SLCO3A1: variants seen among roughly 807,000 people sequenced by gnomAD.
The protein encoded by SLCO3A1 is solute carrier organic anion transporter family member 3A1, also known as PGE1 transporter.
Under a neutral mutation model 63.1 loss-of-function variants are expected in SLCO3A1, and 27 were observed. That is an observed-to-expected ratio of 0.43 (90% CI 0.32 to 0.59). The LOEUF (loss-of-function observed/expected upper bound fraction) is 0.59. SLCO3A1 is among the 20% of genes least tolerant of loss of function. The pLI is 0.09. For missense variants in SLCO3A1, 773 were observed against 945.8 expected, an observed-to-expected ratio of 0.82 and a Z score of 2.40; for synonymous variants, 473 against 409.9, an observed-to-expected ratio of 1.15 and a Z score of -1.86.
chr15:91,940,781 T>A (rs1899592698), intron 2 of SLCO3A1, among the ~76,000 whole-genome samples: 1 of 152,250 alleles, frequency 6.6e-6, no homozygotes, highest in African/African-American at 2.4e-5. Context: ...CCCCTTTCTA[T>A]GGGGAGATGT....
At chr15:91,904,591 T>C (rs1476126301) in intron 1 of SLCO3A1, among the ~76,000 whole-genome samples, 2 of 152,202 alleles carry the variant, frequency 1.3e-5, no homozygotes, top group East Asian at 3.8e-4. Flanking sequence ...TGAGATACAC[T>C]AAAATAGGAG....
chr15:91,896,678 C>G (rs573917110), intron 1 of SLCO3A1, among the ~76,000 whole-genome samples: 15 of 152,330 alleles, frequency 9.8e-5, no homozygotes, highest in African/African-American at 3.4e-4. Flanking sequence ...GTGAGGCCTC[C>G]CCAGCCATGT....
rs1044887513 is a variant in SLCO3A1, at chr15:92,165,749, G to A, written c.*2614G>A. 32 of 984,152 alleles carry A rather than the reference G, an allele frequency of 3.3e-5. No homozygotes were observed. The Admixed American group carries it at 6.8e-4, about 21-fold the overall frequency. The allele number at this position is 984,152 out of a possible 1,614,324, so 61.0% of individuals were successfully genotyped here. On this transcript the variant is annotated 3_prime_UTR_variant, in exon 10 of 10. Transcript: ENST00000318445. ...AGAAAACTCAGTCTAGTTTTAATTT[G>A]CCTTTTGTGCTCTAAAGAAGCATTG...
intron 2 of SLCO3A1, among the ~76,000 whole-genome samples, chr15:92,088,166 A>G (rs1209189830): frequency 6.6e-6 from 1 of 152,226 alleles, no homozygotes; most frequent in Non-Finnish European, 1.5e-5. Flanking sequence ...CTTCTTCTGC[A>G]TGGCCACTGT....
At chr15:91,911,363 A>G (rs1483424413) in intron 1 of SLCO3A1, among the ~76,000 whole-genome samples, 1 of 152,196 alleles carries the variant, frequency 6.6e-6, no homozygotes, top group African/African-American at 2.4e-5. Context: ...GATGAGCAGC[A>G]TCAGTGTCAC....
chr15:91,909,061 A>C (rs866944395), intron 1 of SLCO3A1, among the ~76,000 whole-genome samples: 27 of 149,422 alleles, frequency 1.8e-4, no homozygotes, highest in Middle Eastern at 3.4e-3. Context: ...ACTCTGTCTC[A>C]AACAAAACAA....
At chr15:92,035,093 A>C (rs573560516) in intron 2 of SLCO3A1, among the ~76,000 whole-genome samples, 10 of 151,876 alleles carry the variant, frequency 6.6e-5, no homozygotes, top group Admixed American at 2.0e-4. Context: ...TGGGTTTTTG[A>C]ACTGTGGGTA....
chr15:92,154,001 A>T (rs973529902), intron 9 of SLCO3A1, among the ~76,000 whole-genome samples: 33 of 152,190 alleles, frequency 2.2e-4, no homozygotes, highest in African/African-American at 7.7e-4. Flanking sequence ...GAAGCAAATG[A>T]AAGTTGTTGA....
chr15:92,067,705 T>C (rs867649676), intron 2 of SLCO3A1, among the ~76,000 whole-genome samples: 1 of 152,222 alleles, frequency 6.6e-6, no homozygotes, highest in Non-Finnish European at 1.5e-5. Context: ...GACTACTCTT[T>C]GTGGTTTCCC....
At chr15:92,118,605 G>A (rs992398029) in intron 4 of SLCO3A1, among the ~76,000 whole-genome samples, 5 of 151,974 alleles carry the variant, frequency 3.3e-5, no homozygotes, top group African/African-American at 9.7e-5. Flanking sequence ...CATCTCCTAC[G>A]AGATGAGATT....
intron 2 of SLCO3A1, among the ~76,000 whole-genome samples, chr15:91,993,628 A>G (rs1251412311): frequency 1.3e-5 from 2 of 152,226 alleles, no homozygotes; most frequent in East Asian, 3.9e-4. Flanking sequence ...TTTTGTTTTT[A>G]ATTTAATAGA....
At chr15:91,909,356 C>T (rs1277998314) in intron 1 of SLCO3A1, among the ~76,000 whole-genome samples, 1 of 152,150 alleles carries the variant, frequency 6.6e-6, no homozygotes, top group Non-Finnish European at 1.5e-5. Flanking sequence ...TCCATGCATG[C>T]TGCTTTTGTG....
intron 2 of SLCO3A1, among the ~76,000 whole-genome samples, chr15:92,044,535 T>C (rs1339653473): frequency 1.3e-5 from 2 of 152,060 alleles, no homozygotes; most frequent in East Asian, 1.9e-4. Context: ...TCTTCCTAGA[T>C]CTTCAACTCT....
chr15:91,864,038 G>A (rs936398745), intron 1 of SLCO3A1, among the ~76,000 whole-genome samples: 5 of 152,230 alleles, frequency 3.3e-5, no homozygotes, highest in African/African-American at 1.2e-4. Flanking sequence ...TGCACTTGAT[G>A]GAAGCAGATG....
At position 91,859,655 on chromosome 15, in the gene SLCO3A1, T is replaced by A. The variant is rs972390345; in HGVS notation, c.180+5567T>A. Among the ~76,000 whole-genome samples the A allele has an allele frequency of 1.8e-4, 27 of 152,142 alleles. No individual in the cohort carries two copies. Among genetic ancestry groups the A allele is most frequent in the Admixed American group, 5.9e-4 (9 of 15,272 alleles). ...TTTACTTAATCTCTGTGTACCTCAA[T>A]TTTTCATTTTATAACTGGGGTTATA... On this transcript the variant is annotated intron_variant, in intron 1 of 9. Coordinates refer to ENST00000318445, the MANE Select transcript of SLCO3A1 (RefSeq NM_013272.4). The surrounding 1 kb of genome is among the most constrained non-coding windows in gnomAD (Gnocchi z 5.1).
rs2047919655 is a variant in SLCO3A1, at chr15:92,126,158, C to T, written c.1272C>T (p.Ala424=). Residue 424 remains alanine, a synonymous_variant, in exon 6 of 10, where the codon GCC becomes GCT. Transcript: ENST00000318445. ...SLSALGAIRM[A]MLVNLVSTAC... ...CTGCCCTGGGGGCCATTCGGATGGC[C>T]ATGCTCGTCAACCTGGTGTCCACTG... is the stretch of plus-strand genomic sequence containing the variant. 1 of 1,613,862 alleles carries T rather than the reference C, an allele frequency of 6.2e-7. No homozygotes were observed. The highest frequency in any genetic ancestry group is 1.1e-5 in the South Asian group (1 of 91,080).
chr15:92,080,938 CTGTGTGTGTGTGTGTGTGTGTGTG>C (rs542459686), intron 2 of SLCO3A1, among the ~76,000 whole-genome samples: 59 of 128,894 alleles, frequency 4.6e-4, no homozygotes, highest in Non-Finnish European at 7.1e-4. Context: ...TACATAGTAG[CTGTGTGTGTGTGTGTGTGTGTGTG>C]TGTGTGTGTG....
chr15:92,163,801 A>C lies in SLCO3A1; in HGVS notation c.*666A>C. On this transcript the variant is annotated 3_prime_UTR_variant, in exon 10 of 10. Coordinates refer to ENST00000318445, the MANE Select transcript of SLCO3A1 (RefSeq NM_013272.4). ...ATGGGTGATCCGTGCTGGAGTTTGT[A>C]ATTGGCACCTCTCACCAGCTCCATT... is the stretch of plus-strand genomic sequence containing the variant. The C allele has an allele frequency of 1.0e-6, 1 of 985,430 alleles. No homozygotes were observed. The highest frequency in any genetic ancestry group is 1.2e-6 in the Non-Finnish European group (1 of 829,994). 61.0% of individuals were successfully genotyped at this position (985,430 alleles called of 1,614,324 possible). A position where few individuals can be genotyped will look rare whatever the true frequency, so the allele number is the denominator to read the frequency against.
chr15:92,154,843 G>A (rs1296855742), intron 9 of SLCO3A1, among the ~76,000 whole-genome samples: 1 of 152,140 alleles, frequency 6.6e-6, no homozygotes, highest in Non-Finnish European at 1.5e-5. Flanking sequence ...ATGGGAGAAA[G>A]GAGAGAGGAC....
Sources: allele counts gnomAD v4.1 joint callset (sites outside exome capture counted in the v4.1 genomes callset), GRCh38; gene constraint gnomAD v4.1.1; non-coding constraint Gnocchi (gnomAD v3.1); transcripts MANE v1.5; gene names NCBI Gene and HGNC (gene_info 2026-07-23, HGNC 2026-07-21).